Variants in SHQ1 observed in about 807,000 individuals in gnomAD.
SHQ1 encodes the protein protein SHQ1 homolog.
In SHQ1, 49 loss-of-function variants were observed where a neutral mutation model predicts 53.8. That is an observed-to-expected ratio of 0.91 (90% CI 0.72 to 1.16). The LOEUF is 1.16. Among genes scored for constraint, SHQ1 ranks in the 50% most tolerant of loss-of-function variants. The pLI, the probability that SHQ1 is intolerant of heterozygous loss-of-function variation, is 0.00. For missense variants in SHQ1, 738 were observed against 683.1 expected, an observed-to-expected ratio of 1.08 and a Z score of -0.90; for synonymous variants, 243 against 251.0, an observed-to-expected ratio of 0.97 and a Z score of 0.30.
At chr3:72,803,578 G>A (rs1437629151) in intron 9 of SHQ1, among the ~76,000 whole-genome samples, 2 of 152,158 alleles carry the variant, frequency 1.3e-5, no homozygotes, top group Admixed American at 1.3e-4. Context: ...CCCTACAAAA[G>A]GGCTCCCCTC....
chr3:72,750,507 A>C lies in SHQ1; in HGVS notation c.1511T>G (p.Ile504Ser). Reference sequence around the variant, plus strand: ...GTTTCTGCGTACTCCACCATCAACAATAAGAAAGGCACTGCTTTCTTCAAG... The same window carrying C: ...GTTTCTGCGTACTCCACCATCAACACTAAGAAAGGCACTGCTTTCTTCAAG... ...PFLEESSAFL[I>S]VDGGVRRNTA... The change falls in exon 11 of 11, where the codon ATT becomes AGT. Residue 504 changes from isoleucine to serine, a missense_variant. Transcript: ENST00000325599. 1 of 1,614,202 alleles carries C rather than the reference A, an allele frequency of 6.2e-7. No individual in the cohort carries two copies. The highest frequency in any genetic ancestry group is 8.5e-7 in the Non-Finnish European group (1 of 1,180,028).
rs147428675 is a variant in SHQ1 at position 72,773,272 on chromosome 3, G to T, written c.1181+19644C>A. 219 of 657,594 alleles carry T rather than the reference G, an allele frequency of 3.3e-4. 3 individuals carry two copies. The East Asian group carries it at 5.2e-3, about 16-fold the overall frequency. The allele number at this position is 657,594 out of a possible 1,614,324, so 40.7% of individuals were successfully genotyped here. On this transcript the variant is annotated intron_variant, in intron 10 of 10. Coordinates refer to ENST00000325599, the MANE Select transcript of SHQ1 (RefSeq NM_018130.3). The stretch of plus-strand genomic sequence containing the variant: ...GAGAATGAGAAAGAGACAAGAAAGA[G>T]AAAGGGACAAGAAAGATAAAGAAAA...
chr3:72,746,075 T>C (rs921592929), downstream of SHQ1, among the ~76,000 whole-genome samples: 7 of 152,130 alleles, frequency 4.6e-5, no homozygotes, highest in Admixed American at 1.3e-4. Flanking sequence ...ACTCCTGACC[T>C]CAAGTGATCT....
chr3:72,781,053 C>T (rs1706060891), intron 10 of SHQ1, among the ~76,000 whole-genome samples: 1 of 141,666 alleles, frequency 7.1e-6, no homozygotes, highest in Non-Finnish European at 1.5e-5. Flanking sequence ...ATTTTCTTCT[C>T]TTTTTTTTTT....
intron 10 of SHQ1, among the ~76,000 whole-genome samples, chr3:72,756,977 C>T (rs1386516856): frequency 6.6e-6 from 1 of 152,154 alleles, no homozygotes; most frequent in African/African-American, 2.4e-5. Flanking sequence ...GCCTCCGCAG[C>T]CTTATGAAGC....
chr3:72,809,054 T>C (rs1707039519), intron 9 of SHQ1, among the ~76,000 whole-genome samples: 1 of 151,166 alleles, frequency 6.6e-6, no homozygotes, highest in Non-Finnish European at 1.5e-5. Flanking sequence ...CCTAAGAGAG[T>C]ACAACCTGCT....
At chr3:72,802,896 C>T (rs1706832146) in intron 9 of SHQ1, among the ~76,000 whole-genome samples, 1 of 152,156 alleles carries the variant, frequency 6.6e-6, no homozygotes, top group Non-Finnish European at 1.5e-5. Context: ...GCAGGGGATC[C>T]ACTTTTTTAA....
intron 5 of SHQ1, among the ~76,000 whole-genome samples, chr3:72,827,023 T>C (rs1020185131): frequency 6.6e-6 from 1 of 151,728 alleles, no homozygotes; most frequent in Non-Finnish European, 1.5e-5. Context: ...GATAAGAGAG[T>C]GGCAGTGGAC....
At position 72,818,315 on chromosome 3, in the gene SHQ1, T is replaced by G. The variant is rs145895578; in HGVS notation, c.728-931A>C. ...CTCCCCCTACTGATGGGCACTCACTTTGCTTCTAGTTTTCTGCCACTGCTA... is the reference window on the plus strand; with the variant it reads ...CTCCCCCTACTGATGGGCACTCACTGTGCTTCTAGTTTTCTGCCACTGCTA... On this transcript the variant is annotated intron_variant, in intron 6 of 10. Coordinates refer to ENST00000325599, the MANE Select transcript of SHQ1 (RefSeq NM_018130.3). Among the ~76,000 whole-genome samples, 581 of 152,262 alleles carry G rather than the reference T, an allele frequency of 3.8e-3. 4 individuals are homozygous for G. The highest frequency in any genetic ancestry group is 0.037 in the Middle Eastern group (11 of 294).
At chr3:72,790,068 T>C (rs888488456) in intron 10 of SHQ1, among the ~76,000 whole-genome samples, 15 of 152,172 alleles carry the variant, frequency 9.9e-5, no homozygotes, top group African/African-American at 3.4e-4. Context: ...AGCACCACAC[T>C]CAAAACTTCC....
chr3:72,789,400 C>T (rs62252360), intron 10 of SHQ1, among the ~76,000 whole-genome samples: 47,302 of 151,910 alleles, frequency 0.31, 8,695 homozygotes, highest in African/African-American at 0.51. Flanking sequence ...GTATTTTATG[C>T]GTGGCCCAAG....
At chr3:72,788,541 G>A (rs963771668) in intron 10 of SHQ1, among the ~76,000 whole-genome samples, 7 of 152,070 alleles carry the variant, frequency 4.6e-5, no homozygotes, top group Non-Finnish European at 5.9e-5. Context: ...GGGAAGTGAG[G>A]ACCTCCTCTG....
At chr3:72,767,413 A>G (rs1300453727) in intron 10 of SHQ1, among the ~76,000 whole-genome samples, 1 of 152,218 alleles carries the variant, frequency 6.6e-6, no homozygotes, top group Non-Finnish European at 1.5e-5. Flanking sequence ...ATGCTGGAAG[A>G]TGACATTTGC....
intron 4 of SHQ1, among the ~76,000 whole-genome samples, chr3:72,835,577 T>C (rs569466224): frequency 8.5e-5 from 13 of 152,320 alleles, no homozygotes; most frequent in African/African-American, 3.1e-4. Context: ...AGAGGGTAAA[T>C]GGACCGACAT....
the SHQ1 span, among the ~76,000 whole-genome samples, chr3:72,744,113 T>C: frequency 2.0e-5 from 3 of 152,332 alleles, no homozygotes; most frequent in South Asian, 4.1e-4. Flanking sequence ...AATGGGACTA[T>C]TGTTTCCAGG....
At chr3:72,788,883 A>G (rs977430248) in intron 10 of SHQ1, among the ~76,000 whole-genome samples, 1 of 152,060 alleles carries the variant, frequency 6.6e-6, no homozygotes, top group Admixed American at 6.6e-5. Flanking sequence ...AAGGCAGCAT[A>G]CTCGTTAAGA....
intron 10 of SHQ1, among the ~76,000 whole-genome samples, chr3:72,776,472 C>T (rs543688355): frequency 6.6e-6 from 1 of 152,270 alleles, no homozygotes; most frequent in East Asian, 1.9e-4. Flanking sequence ...TGTGTAAGTG[C>T]AATCTATGAT....
chr3:72,759,215 G>A (rs1268510955), intron 10 of SHQ1, among the ~76,000 whole-genome samples: 4 of 152,144 alleles, frequency 2.6e-5, no homozygotes, highest in African/African-American at 9.7e-5. Flanking sequence ...CACATTGTGA[G>A]GTTCTGCAAG....
intron 1 of SHQ1, among the ~76,000 whole-genome samples, chr3:72,847,759 C>G (rs542282665): frequency 1.3e-5 from 2 of 152,074 alleles, no homozygotes; most frequent in Non-Finnish European, 2.9e-5. Context: ...GATAGATCAA[C>G]AGAAGGCGGC....
Sources: allele counts gnomAD v4.1 joint callset (sites outside exome capture counted in the v4.1 genomes callset), GRCh38; gene constraint gnomAD v4.1.1; transcripts MANE v1.5; gene names NCBI Gene and HGNC (gene_info 2026-07-23, HGNC 2026-07-21).